The following RGS17 variants were observed in gnomAD, a reference collection of about 807,000 sequenced individuals.
The protein encoded by RGS17 is regulator of G protein signaling 17.
Under a neutral mutation model 25.5 loss-of-function variants are expected in RGS17, and 12 were observed. The observed-to-expected ratio is 0.47, with a 90% CI of 0.30 to 0.76. The LOEUF is 0.76. RGS17 is among the 30% of genes least tolerant of loss of function. RGS17 has a pLI of 0.07. For synonymous variants in RGS17, 71 were observed against 76.9 expected (o/e 0.92, Z 0.40); for missense variants, 196 against 242.2 (o/e 0.81, Z 1.27).
At chr6:153,038,428 T>C (rs1178204872) in intron 2 of RGS17, among the ~76,000 whole-genome samples, 5 of 152,244 alleles carry the variant, frequency 3.3e-5, no homozygotes, top group African/African-American at 7.2e-5. Flanking sequence ...ACCCATGCCA[T>C]GGCAAGATGG....
chr6:153,114,775 A>G (rs995876214), intron 1 of RGS17, among the ~76,000 whole-genome samples: 7 of 152,254 alleles, frequency 4.6e-5, no homozygotes, highest in African/African-American at 1.4e-4. Flanking sequence ...CTAGTTCAAC[A>G]TATGGAAATC....
chr6:153,032,050 C>T (rs1459096992), intron 2 of RGS17, among the ~76,000 whole-genome samples: 2 of 152,136 alleles, frequency 1.3e-5, no homozygotes, highest in Non-Finnish European at 1.5e-5. Flanking sequence ...GACAGGGCAA[C>T]AAGGAAAGGA....
chr6:153,129,976 G>A (rs931642909), intron 1 of RGS17, among the ~76,000 whole-genome samples: 1 of 152,032 alleles, frequency 6.6e-6, no homozygotes, highest in Non-Finnish European at 1.5e-5. Flanking sequence ...GCATCTTTGT[G>A]GCCAGGCGAC....
intron 1 of RGS17, among the ~76,000 whole-genome samples, chr6:153,099,500 A>G (rs530703588): frequency 1.9e-4 from 29 of 152,290 alleles, no homozygotes; most frequent in African/African-American, 7.0e-4. Flanking sequence ...ACCCTTTTCT[A>G]AAATATATTC....
intron 1 of RGS17, among the ~76,000 whole-genome samples, chr6:153,102,712 C>T (rs1312467945): frequency 2.0e-5 from 3 of 152,122 alleles, no homozygotes; most frequent in Admixed American, 2.0e-4. Context: ...GGCAGATCCT[C>T]GAATGTTTTT....
intron 2 of RGS17, among the ~76,000 whole-genome samples, chr6:153,043,676 T>C (rs1776349722): frequency 6.6e-6 from 1 of 152,218 alleles, no homozygotes; most frequent in Admixed American, 6.5e-5. Flanking sequence ...TTCATTTTTT[T>C]TACCTTATTA....
intron 1 of RGS17, among the ~76,000 whole-genome samples, chr6:153,104,588 A>C (rs1322895020): frequency 1.3e-5 from 2 of 152,250 alleles, no homozygotes; most frequent in Admixed American, 6.5e-5. Context: ...AATTTATTCA[A>C]TAAACATTTA....
intron 1 of RGS17, among the ~76,000 whole-genome samples, chr6:153,063,450 T>C (rs1216263068): frequency 2.6e-5 from 4 of 152,094 alleles, no homozygotes; most frequent in Non-Finnish European, 5.9e-5. Context: ...TAATGAAGAA[T>C]GCATCTGAGT....
At chr6:153,063,487 A>G (rs1013645788) in intron 1 of RGS17, among the ~76,000 whole-genome samples, 3 of 152,192 alleles carry the variant, frequency 2.0e-5, no homozygotes, top group African/African-American at 7.2e-5. Context: ...ATCAAGCTGA[A>G]GAAAGAATTA....
intron 1 of RGS17, among the ~76,000 whole-genome samples, chr6:153,077,878 T>A (rs1255674218): frequency 9.9e-6 from 1 of 100,906 alleles, no homozygotes; most frequent in South Asian, 3.7e-4. Context: ...GTATCTTTTT[T>A]ATTTTTTTTT....
intron 4 of RGS17, among the ~76,000 whole-genome samples, chr6:153,017,366 T>A (rs957387105): frequency 1.3e-5 from 2 of 151,744 alleles, no homozygotes; most frequent in African/African-American, 4.8e-5. Flanking sequence ...AAGCAAAAAG[T>A]CATGAGAGCG....
chr6:153,127,858 C>A (rs1777725511), intron 1 of RGS17, among the ~76,000 whole-genome samples: 1 of 152,140 alleles, frequency 6.6e-6, no homozygotes, highest in South Asian at 2.1e-4. Flanking sequence ...GCAATTCTTA[C>A]CTTGGAAGAC....
intron 4 of RGS17, among the ~76,000 whole-genome samples, chr6:153,017,019 C>T (rs1372752971): frequency 1.3e-5 from 2 of 152,166 alleles, no homozygotes; most frequent in African/African-American, 4.8e-5. Context: ...TTGAGTAGCA[C>T]AAGATAAGAG....
At chr6:153,111,657 C>T (rs1182819233) in intron 1 of RGS17, among the ~76,000 whole-genome samples, 1 of 152,208 alleles carries the variant, frequency 6.6e-6, no homozygotes, top group African/African-American at 2.4e-5. Context: ...GAGACACCTC[C>T]CAGCAGGGGT....
chr6:153,078,642 T>C (rs1776922859), intron 1 of RGS17, among the ~76,000 whole-genome samples: 1 of 151,976 alleles, frequency 6.6e-6, no homozygotes. Context: ...TGAGTAATCA[T>C]AAAACTTTCT....
intron 1 of RGS17, among the ~76,000 whole-genome samples, chr6:153,096,713 C>T (rs907014048): frequency 6.6e-5 from 10 of 152,142 alleles, no homozygotes; most frequent in Admixed American, 2.0e-4. Flanking sequence ...TTTTATATTA[C>T]TCCTTTTAAC....
chr6:153,087,581 T>C (rs1043187527), intron 1 of RGS17, among the ~76,000 whole-genome samples: 16 of 152,162 alleles, frequency 1.1e-4, no homozygotes, highest in African/African-American at 3.4e-4. Context: ...ATTTGCCCAG[T>C]TGGATGTCAG....
Position 153,024,267 on chromosome 6 carries a change from T to C in RGS17, c.439A>G (p.Lys147Glu). The change falls in exon 4 of 5, where the codon AAA (lysine) becomes GAA (glutamate). Residue 147 changes from lysine to glutamate, a missense_variant. This residue lies in a region of RGS17 where 179 missense variants were observed against 197.6 expected (regional missense o/e 0.91). Coordinates refer to ENST00000206262, the MANE Select transcript of RGS17 (RefSeq NM_012419.5). The part of the protein sequence containing the change: ...YEDYISILSP[K>E]EVSLDSRVRE... ...AATGTTTTCCAGATTTTTACCTCTTTTGGTGATAGTATAGAAATGTAATCT... is the reference window on the plus strand; with the variant it reads ...AATGTTTTCCAGATTTTTACCTCTTCTGGTGATAGTATAGAAATGTAATCT... 1 of 1,602,968 alleles carries C rather than the reference T, an allele frequency of 6.2e-7. No homozygotes were observed.
chr6:153,036,227 A>AT (rs1442676025), intron 2 of RGS17, among the ~76,000 whole-genome samples: 2 of 151,984 alleles, frequency 1.3e-5, no homozygotes, highest in Non-Finnish European at 2.9e-5. Flanking sequence ...TAATTTTAAA[A>AT]TTTTTTGTAG....
Sources: allele counts gnomAD v4.1 joint callset (sites outside exome capture counted in the v4.1 genomes callset), GRCh38; gene constraint gnomAD v4.1.1; regional missense constraint gnomAD v4.1.1; transcripts MANE v1.5; gene names NCBI Gene and HGNC (gene_info 2026-07-23, HGNC 2026-07-21).